Variants in ARGLU1 observed in about 807,000 individuals in gnomAD.
ARGLU1 encodes arginine and glutamate-rich protein 1.
In ARGLU1, 9 loss-of-function variants were observed where a neutral mutation model predicts 37.6. The ratio of observed to expected loss-of-function variants is 0.24; its 90% CI spans 0.14 to 0.42. ARGLU1 has a LOEUF of 0.42. Ranked by LOEUF, ARGLU1 falls within the 10% of genes least tolerant of loss-of-function variation. The pLI is 1.00. For synonymous variants in ARGLU1, 166 were observed against 138.5 expected, an observed-to-expected ratio of 1.20 and a Z score of -1.39; for missense variants, 211 against 359.2, an observed-to-expected ratio of 0.59 and a Z score of 3.34.
chr13:106,543,968 T>C lies in ARGLU1; in HGVS notation c.*28A>G. 2 of 1,557,276 alleles carry C rather than the reference T, an allele frequency of 1.3e-6. No individual in the cohort carries two copies. Among genetic ancestry groups the C allele is most frequent in the Non-Finnish European group, 1.7e-6 (2 of 1,161,544 alleles). On this transcript the variant is annotated 3_prime_UTR_variant, in exon 4 of 4. Coordinates refer to ENST00000400198, the MANE Select transcript of ARGLU1 (RefSeq NM_018011.4). ...CTACCATACAAAGTTTTTCCATTTT[T>C]CTTTGTAAAAAGTTCAGAGTTTGCA...
At chr13:106,558,268 T>C (rs1880707296) in intron 2 of ARGLU1, 1 of 983,822 alleles carries the variant, frequency 1.0e-6, no homozygotes, top group Non-Finnish European at 1.2e-6. Flanking sequence ...ATTTCATACA[T>C]TCAATTTTAT....
At position 106,567,850 on chromosome 13, in the gene ARGLU1, G is replaced by A; in HGVS notation, c.70C>T (p.Arg24Cys). ...CGGGATCGCGACCGGGACCGGCTGCGCTTCTTGTTGTGCTTGCTGCTCTTG... is the reference window on the plus strand; with the variant it reads ...CGGGATCGCGACCGGGACCGGCTGCACTTCTTGTTGTGCTTGCTGCTCTTG... ...HTKSSKHNKK[R>C]SRSRSRSRDK... Residue 24 changes from arginine (R) to cysteine (C), a missense_variant, in exon 1 of 4, where the codon CGC becomes TGC. Arg to Cys is a radical substitution (Grantham distance 180, BLOSUM62 -3). Transcript: ENST00000400198. This position sits in a 1 kb window ranked among gnomAD's most constrained non-coding sequence, Gnocchi z 4.3. 1 of 1,613,336 alleles carries A rather than the reference G, an allele frequency of 6.2e-7. No homozygotes were observed.
chr13:106,545,819 T>TG (rs1397637617), intron 3 of ARGLU1, among the ~76,000 whole-genome samples: 1 of 152,172 alleles, frequency 6.6e-6, no homozygotes, highest in Non-Finnish European at 1.5e-5. Context: ...TGAGAGAATC[T>TG]GGCAGGTGAG....
chr13:106,545,627 G>A (rs185389000), intron 3 of ARGLU1, among the ~76,000 whole-genome samples: 57 of 152,284 alleles, frequency 3.7e-4, no homozygotes, highest in African/African-American at 1.4e-3. Context: ...AGAGGAAGAT[G>A]GAAAAGGTAA....
chr13:106,562,547 CTAA>C (rs1430734896), intron 1 of ARGLU1, among the ~76,000 whole-genome samples: 1 of 152,152 alleles, frequency 6.6e-6, no homozygotes, highest in Non-Finnish European at 1.5e-5. Context: ...GTTCTTTTCT[CTAA>C]TGTTTTCCTC....
chr13:106,552,972 A>C (rs1880569901), intron 3 of ARGLU1, among the ~76,000 whole-genome samples: 1 of 152,216 alleles, frequency 6.6e-6, no homozygotes, highest in Admixed American at 6.5e-5. Flanking sequence ...TCACATATGG[A>C]TGAGCTCGTG....
At chr13:106,551,590 T>C (rs1372603020) in intron 3 of ARGLU1, among the ~76,000 whole-genome samples, 2 of 152,186 alleles carry the variant, frequency 1.3e-5, no homozygotes, top group African/African-American at 4.8e-5. Context: ...GGTAACATAT[T>C]ACCACAAACT....
intron 3 of ARGLU1, among the ~76,000 whole-genome samples, chr13:106,556,191 T>A (rs1880658148): frequency 6.6e-6 from 1 of 152,252 alleles, no homozygotes; most frequent in Admixed American, 6.5e-5. Context: ...TAGCAGATTT[T>A]AAGATTTTCT....
intron 2 of ARGLU1, chr13:106,558,535 G>T (rs1172514997): frequency 1.0e-6 from 1 of 985,338 alleles, no homozygotes; most frequent in African/African-American, 1.7e-5. Context: ...AAACTATGGT[G>T]ACAGACACTC....
In ARGLU1 at chr13:106,543,542, T is replaced by G. The variant is rs1475229556; in HGVS notation, c.*454A>C. The G allele has an allele frequency of 6.5e-6, 1 of 153,146 alleles. No homozygotes were observed. Among genetic ancestry groups the G allele is most frequent in the Non-Finnish European group, 1.5e-5 (1 of 68,488 alleles). 9.5% of individuals were successfully genotyped at this position (153,146 alleles called of 1,614,324 possible). On this transcript the variant is annotated 3_prime_UTR_variant, in exon 4 of 4. Transcript: ENST00000400198. ...GACACTGGTTTAACAATACACCACA[T>G]AGGTCCAGTAATACCCTGGGAATTT... is the stretch of plus-strand genomic sequence containing the variant.
intron 2 of ARGLU1, chr13:106,558,105 GA>G (rs1292367867): frequency 1.0e-6 from 1 of 985,042 alleles, no homozygotes; most frequent in African/African-American, 1.8e-5. Flanking sequence ...AAGACTGTCA[GA>G]GGGTTGTGTC....
intron 1 of ARGLU1, among the ~76,000 whole-genome samples, chr13:106,562,958 T>C (rs1225147832): frequency 1.5e-4 from 18 of 122,878 alleles, no homozygotes; most frequent in Non-Finnish European, 2.5e-4. Flanking sequence ...ACCACTGCAC[T>C]CCAGCCTGGG....
At chr13:106,549,170 T>C (rs1175847106) in intron 3 of ARGLU1, among the ~76,000 whole-genome samples, 2 of 152,246 alleles carry the variant, frequency 1.3e-5, no homozygotes, top group Non-Finnish European at 2.9e-5. Flanking sequence ...ACAGTCCCTT[T>C]AGCAGACAGA....
At chr13:106,551,268 A>G (rs1225471500) in intron 3 of ARGLU1, among the ~76,000 whole-genome samples, 1 of 152,162 alleles carries the variant, frequency 6.6e-6, no homozygotes, top group Non-Finnish European at 1.5e-5. Flanking sequence ...ACTTTACTAT[A>G]AACAGGAAGA....
chr13:106,559,302 TGTTAA>T, intron 2 of ARGLU1, 125 bp downstream of exon 2: 6 of 1,542,150 alleles, frequency 3.9e-6, no homozygotes, highest in Non-Finnish European at 4.4e-6. Context: ...TTCGCAGCAA[TGTTAA>T]GTTTAGACGA....
rs1441465668 is a variant in ARGLU1, at chr13:106,568,120, C to T, written c.-201G>A. On this transcript the variant is annotated 5_prime_UTR_variant, in exon 1 of 4. Transcript: ENST00000400198. Reference sequence around the variant, plus strand: ...ACGAGAAACCCGTAGCGCCAGGCGCCCCTAAGATGGCAGCTGCGGCTGCAC... The same window carrying T: ...ACGAGAAACCCGTAGCGCCAGGCGCTCCTAAGATGGCAGCTGCGGCTGCAC... The T allele has an allele frequency of 1.3e-6, 1 of 779,516 alleles. No homozygotes were observed. The highest frequency in any genetic ancestry group is 1.9e-6 in the Non-Finnish European group (1 of 528,862). The allele number at this position is 779,516 out of a possible 1,614,324, so 48.3% of individuals were successfully genotyped here.
At chr13:106,558,554 A>T in intron 2 of ARGLU1, 1 of 985,452 alleles carries the variant, frequency 1.0e-6, no homozygotes, top group Middle Eastern at 5.2e-4. Context: ...TCAGGGCTGT[A>T]AAGTAATTTG....
At chr13:106,553,101 T>C (rs932365468) in intron 3 of ARGLU1, among the ~76,000 whole-genome samples, 2 of 152,122 alleles carry the variant, frequency 1.3e-5, no homozygotes, top group Non-Finnish European at 2.9e-5. Flanking sequence ...TATTTCTATG[T>C]GATAAAAAAA....
Position 106,567,651 on chromosome 13 carries a change from C to T in ARGLU1, c.269G>A (p.Ser90Asn). Residue 90 changes from serine (S) to asparagine (N), a missense_variant, in exon 1 of 4, where the codon AGC becomes AAC. Physicochemically the swap from Ser to Asn is conservative, Grantham distance 46 (BLOSUM62 1). Coordinates refer to ENST00000400198, the MANE Select transcript of ARGLU1 (RefSeq NM_018011.4). This position sits in a 1 kb window ranked among gnomAD's most constrained non-coding sequence, Gnocchi z 4.3. The part of the protein sequence containing the change: ...DRIDIFGRTV[S>N]KRSSLDEKQK... ...CTTCTCGTCCAGGCTGCTGCGCTTGCTCACCGTGCGCCCGAAGATGTCGAT... is the reference window on the plus strand; with the variant it reads ...CTTCTCGTCCAGGCTGCTGCGCTTGTTCACCGTGCGCCCGAAGATGTCGAT... 6.2e-7 allele frequency: 1 copy of T among 1,613,676 alleles called. No homozygotes were observed. The highest frequency in any genetic ancestry group is 2.2e-5 in the East Asian group (1 of 44,814).
Sources: gnomAD v4.1 joint callset for allele counts (sites outside exome capture counted in the v4.1 genomes callset) on GRCh38, gnomAD v4.1.1 for gene constraint, Gnocchi (gnomAD v3.1) non-coding constraint, MANE v1.5 for transcripts, NCBI Gene and HGNC (gene_info 2026-07-23, HGNC 2026-07-21) for gene names.